The following TTC21B variants were observed in gnomAD, a reference collection of about 807,000 sequenced individuals.
The protein encoded by TTC21B is tetratricopeptide repeat protein 21B.
A neutral mutation model predicts 175.1 loss-of-function variants in TTC21B; 127 were observed. The ratio of observed to expected loss-of-function variants is 0.73; its 90% CI spans 0.63 to 0.84. The LOEUF (loss-of-function observed/expected upper bound fraction) is 0.84, where lower values mean the gene tolerates loss of function less well. TTC21B is among the 40% of genes least tolerant of loss of function. The pLI, the probability that TTC21B is intolerant of heterozygous loss-of-function variation, is 0.00. For synonymous variants in TTC21B, 524 were observed against 524.5 expected, an observed-to-expected ratio of 1.00 and a Z score of 0.01; for missense variants, 1,561 against 1,558.3, an observed-to-expected ratio of 1.00 and a Z score of -0.03.
intron 22 of TTC21B, among the ~76,000 whole-genome samples, chr2:165,894,560 T>C (rs1443576000): frequency 6.6e-6 from 1 of 152,118 alleles, no homozygotes; most frequent in East Asian, 1.9e-4. Context: ...ACATAGACAA[T>C]AAAAATTTAC....
At chr2:165,911,940 C>A (rs967548823) in intron 17 of TTC21B, among the ~76,000 whole-genome samples, 2 of 152,144 alleles carry the variant, frequency 1.3e-5, no homozygotes. Flanking sequence ...GTTAGGATTA[C>A]AGGCGTGAGC....
At chr2:165,926,894 G>A (rs970943872) in intron 11 of TTC21B, among the ~76,000 whole-genome samples, 16 of 149,294 alleles carry the variant, frequency 1.1e-4, no homozygotes, top group African/African-American at 2.2e-4. Flanking sequence ...TTTGCTCCTC[G>A]GCTTACAGAC....
In TTC21B at chr2:165,888,485, T is replaced by C. The variant is rs751647937; in HGVS notation, c.3264-11A>G. 2 of 1,598,386 alleles carry C rather than the reference T, an allele frequency of 1.3e-6. No homozygotes were observed. The highest frequency in any genetic ancestry group is 1.7e-6 in the Non-Finnish European group (2 of 1,167,464). On this transcript the variant is annotated splice_polypyrimidine_tract_variant and intron_variant, in intron 24 of 28. Transcript: ENST00000243344. ...TTCTCAGTTGAATTACTGTATATAA[T>C]TAAAAATAAATCACTTCTGTCTCTT... is the stretch of plus-strand genomic sequence containing the variant.
intron 15 of TTC21B, among the ~76,000 whole-genome samples, chr2:165,914,698 T>TGCGCGCGCGCGTGTGTGTGTGTG (rs71031214): frequency 7.6e-6 from 1 of 132,376 alleles, no homozygotes; most frequent in African/African-American, 3.1e-5. Flanking sequence ...TGTGTGTGTG[T>TGCGCGCGCGCGTGTGTGTGTGTG]TGTGTATCCC....
At chr2:165,931,627 G>T in intron 8 of TTC21B, 131 bp downstream of exon 8, 1 of 779,876 alleles carries the variant, frequency 1.3e-6, no homozygotes, top group Non-Finnish European at 2.2e-6. Flanking sequence ...GCCTTTCCTA[G>T]GAGTATATCA....
At position 165,930,283 on chromosome 2, in the gene TTC21B, A is replaced by G. The variant is rs769654400; in HGVS notation, c.976T>C (p.Phe326Leu). The G allele has an allele frequency of 6.2e-7, 1 of 1,613,240 alleles. No homozygotes were observed. The stretch of plus-strand genomic sequence containing the variant: ...ATTTGGTATCCAAGTTCTGTAGCAA[A>G]TTCTGATTGCTGAGGGTTTAAACTA... ...AFSLNPQQSE[F>L]ATELGYQMIL... Residue 326 changes from phenylalanine to leucine, a missense_variant, in exon 9 of 29, where the codon TTT becomes CTT. Transcript: ENST00000243344.
chr2:165,945,481 G>A, intron 4 of TTC21B, 43 bp downstream of exon 4: 1 of 1,542,030 alleles, frequency 6.5e-7, no homozygotes, highest in Non-Finnish European at 8.9e-7. Context: ...AATAACATAA[G>A]CATTTTTTAA....
intron 12 of TTC21B, among the ~76,000 whole-genome samples, chr2:165,922,969 A>T (rs1195245162): frequency 6.6e-6 from 1 of 152,210 alleles, no homozygotes; most frequent in East Asian, 1.9e-4. Context: ...CATTAATATA[A>T]ATGAAGTAAT....
chr2:165,931,855 GC>G lies in TTC21B; in HGVS notation c.796del (p.Ala266LeufsTer54). 6.2e-7 allele frequency: 1 copy of G among 1,608,556 alleles called. No homozygotes were observed. The highest frequency in any genetic ancestry group is 8.5e-7 in the Non-Finnish European group (1 of 1,175,108). On this transcript the variant is annotated frameshift_variant and splice_region_variant, in exon 8 of 29. Transcript: ENST00000243344. LOFTEE classifies it high-confidence loss of function. The part of the protein sequence containing the change: ...YVCREGDIEK[A>X]STKLENLGNT... ...TCCCAAGTTTTCCAGCTTGGTGGAAGCCTAAAACAAAAGGAACTGGTATTAA... is the reference window on the plus strand; with the variant it reads ...TCCCAAGTTTTCCAGCTTGGTGGAAGCTAAAACAAAAGGAACTGGTATTAA...
At chr2:165,918,232 A>G (rs116757528) in intron 13 of TTC21B, among the ~76,000 whole-genome samples, 67 of 152,346 alleles carry the variant, frequency 4.4e-4, no homozygotes, top group Admixed American at 9.8e-4. Context: ...GTGGGGCACC[A>G]GCACTGAGGC....
intron 25 of TTC21B, among the ~76,000 whole-genome samples, chr2:165,885,555 C>T (rs1684975903): frequency 6.6e-6 from 1 of 152,088 alleles, no homozygotes; most frequent in Non-Finnish European, 1.5e-5. Flanking sequence ...CCACCTCAGC[C>T]CACCTCAGGT....
chr2:165,941,012 C>G lies in TTC21B; in HGVS notation c.710+15G>C. The G allele has an allele frequency of 6.2e-7, 1 of 1,613,520 alleles. No individual in the cohort carries two copies. Among genetic ancestry groups the G allele is most frequent in the South Asian group, 1.1e-5 (1 of 91,074 alleles). On this transcript the variant is annotated intron_variant, in intron 6 of 28. Coordinates refer to ENST00000243344, the MANE Select transcript of TTC21B (RefSeq NM_024753.5). ...CCAAATCCAAAGAGACTTGTGTCAT[C>G]TTTTATTACTTAACCTTTGTGCTGT...
chr2:165,950,900 G>A (rs575145068), intron 1 of TTC21B, among the ~76,000 whole-genome samples: 3 of 152,274 alleles, frequency 2.0e-5, no homozygotes, highest in South Asian at 2.1e-4. Flanking sequence ...GAGCCACCAC[G>A]CCCGTCCGAC....
intron 1 of TTC21B, among the ~76,000 whole-genome samples, chr2:165,953,342 T>C (rs1417194229): frequency 6.6e-6 from 1 of 152,212 alleles, no homozygotes; most frequent in African/African-American, 2.4e-5. Context: ...CTAGTTTGCC[T>C]TAAGTCCTTA....
At chr2:165,891,077 C>G in intron 22 of TTC21B, 89 bp from the exon 23 acceptor site, 1 of 1,153,930 alleles carries the variant, frequency 8.7e-7, no homozygotes. Flanking sequence ...GTATAATTTA[C>G]TTCATATAAA....
At chr2:165,898,263 G>A (rs1316617797) in intron 22 of TTC21B, among the ~76,000 whole-genome samples, 1 of 152,170 alleles carries the variant, frequency 6.6e-6, no homozygotes, top group Non-Finnish European at 1.5e-5. Context: ...ACAGGCCTGG[G>A]GAGGACAAAG....
At chr2:165,878,427 A>G (rs1173830184) in intron 27 of TTC21B, among the ~76,000 whole-genome samples, 1 of 152,110 alleles carries the variant, frequency 6.6e-6, no homozygotes, top group Non-Finnish European at 1.5e-5. Flanking sequence ...GAAGGGTGAA[A>G]CATGAGTAGT....
At chr2:165,922,549 A>G (rs1686450664) in intron 12 of TTC21B, among the ~76,000 whole-genome samples, 2 of 141,102 alleles carry the variant, frequency 1.4e-5, no homozygotes, top group Admixed American at 7.7e-5. Flanking sequence ...CAGCCGGAAT[A>G]GCCACTATTA....
chr2:165,936,439 T>C (rs1212100620), intron 6 of TTC21B, among the ~76,000 whole-genome samples: 4 of 152,142 alleles, frequency 2.6e-5, no homozygotes, highest in African/African-American at 4.8e-5. Context: ...GCATAATTCA[T>C]GAAAGAAAGA....
Sources: gnomAD v4.1 joint callset for allele counts (sites outside exome capture counted in the v4.1 genomes callset) on GRCh38, gnomAD v4.1.1 for gene constraint, MANE v1.5 for transcripts, NCBI Gene and HGNC (gene_info 2026-07-23, HGNC 2026-07-21) for gene names.